The following SBF2 variants were observed in gnomAD, a reference collection of about 807,000 sequenced individuals.
The protein encoded by SBF2 is SET binding factor 2.
Under a neutral mutation model 225.2 loss-of-function variants are expected in SBF2, and 112 were observed. The ratio of observed to expected loss-of-function variants is 0.50; its 90% CI spans 0.43 to 0.58. The LOEUF is 0.58. Ranked by LOEUF, SBF2 falls within the 20% of genes least tolerant of loss-of-function variation. The pLI, the probability that SBF2 is intolerant of heterozygous loss-of-function variation, is 0.00. For missense variants in SBF2, 1,996 were observed against 2,206.2 expected, an observed-to-expected ratio of 0.90 and a Z score of 1.91; for synonymous variants, 763 against 773.3, an observed-to-expected ratio of 0.99 and a Z score of 0.22.
chr11:9,991,560 G>T (rs1383208989), intron 12 of SBF2, among the ~76,000 whole-genome samples: 1 of 151,980 alleles, frequency 6.6e-6, no homozygotes, highest in Non-Finnish European at 1.5e-5. Flanking sequence ...TTACATTTTT[G>T]GTTCTAATAT....
chr11:10,299,295 A>C (rs908377867), intron 1 of SBF2, among the ~76,000 whole-genome samples: 6 of 138,954 alleles, frequency 4.3e-5, no homozygotes, highest in Admixed American at 3.3e-4. Context: ...TCGAGATGGC[A>C]CCACTGCACT....
chr11:9,865,042 CTG>C (rs1164983283), intron 17 of SBF2, among the ~76,000 whole-genome samples: 3 of 152,118 alleles, frequency 2.0e-5, no homozygotes, highest in Non-Finnish European at 4.4e-5. Flanking sequence ...TCCTGAGTAG[CTG>C]AGACTACAGG....
chr11:10,080,551 A>C lies in SBF2; in HGVS notation c.142-37570T>G, dbSNP rs532445810. Among the ~76,000 whole-genome samples, 5 of 152,238 alleles carry C rather than the reference A, an allele frequency of 3.3e-5. No homozygotes were observed. The South Asian group carries it at 1.0e-3, about 32-fold the overall frequency. ...TACTAAACCTAAAAAGACAGAGAAAAAAAAAAGAATCCCAAAGGCAAGTAG... is the reference window on the plus strand; with the variant it reads ...TACTAAACCTAAAAAGACAGAGAAACAAAAAAGAATCCCAAAGGCAAGTAG... On this transcript the variant is annotated intron_variant, in intron 2 of 39. Coordinates refer to ENST00000256190, the MANE Select transcript of SBF2 (RefSeq NM_030962.4).
At chr11:10,184,329 A>C (rs536657552) in intron 2 of SBF2, among the ~76,000 whole-genome samples, 1 of 152,228 alleles carries the variant, frequency 6.6e-6, no homozygotes, top group African/African-American at 2.4e-5. Context: ...ACCAGGTAGT[A>C]TAAGTCTTCC....
intron 2 of SBF2, among the ~76,000 whole-genome samples, chr11:10,175,407 G>C (rs1956416757): frequency 6.7e-6 from 1 of 149,872 alleles, no homozygotes; most frequent in South Asian, 2.1e-4. Context: ...GATCAAAAGA[G>C]ACAAAGAAGG....
At position 9,961,966 on chromosome 11, in the gene SBF2, A is replaced by G. The variant is rs746158091; in HGVS notation, c.1851T>C (p.Cys617=). 18 of 1,613,524 alleles carry G rather than the reference A, an allele frequency of 1.1e-5. No individual in the cohort carries two copies. Among genetic ancestry groups the G allele is most frequent in the Admixed American group, 6.7e-5 (4 of 59,986 alleles). ...AAGAACTACAAATTACCTGTAGAGTACAATTCATCATCCTTATTATGTAGT... is the reference window on the plus strand; with the variant it reads ...AAGAACTACAAATTACCTGTAGAGTGCAATTCATCATCCTTATTATGTAGT... ...QFDYIIRMMN[C]TLQDCSSLEE... Residue 617 remains cysteine (C), a synonymous_variant, in exon 16 of 40, where the codon TGT becomes TGC. Transcript: ENST00000256190.
chr11:10,070,066 A>G (rs1449661565), intron 2 of SBF2, among the ~76,000 whole-genome samples: 2 of 152,216 alleles, frequency 1.3e-5, no homozygotes, highest in African/African-American at 4.8e-5. Flanking sequence ...GCCCTTTGTC[A>G]GATGGGTAGA....
chr11:10,197,298 T>C (rs1297735143), intron 1 of SBF2, among the ~76,000 whole-genome samples: 1 of 152,232 alleles, frequency 6.6e-6, no homozygotes, highest in Non-Finnish European at 1.5e-5. Context: ...TGGGAGATAC[T>C]GCAGGTTTGG....
chr11:10,172,269 T>C (rs958461082), intron 2 of SBF2, among the ~76,000 whole-genome samples: 2 of 152,210 alleles, frequency 1.3e-5, no homozygotes, highest in Admixed American at 6.5e-5. Flanking sequence ...TAGGCACTTA[T>C]AGCTACAAAC....
intron 1 of SBF2, among the ~76,000 whole-genome samples, chr11:10,269,140 CT>C (rs954014864): frequency 4.6e-5 from 7 of 152,168 alleles, no homozygotes; most frequent in African/African-American, 1.4e-4. Context: ...GTTCTTTTGG[CT>C]TTCAGAAACA....
rs746054770 is a variant in SBF2 at position 9,858,344 on chromosome 11, G to A, written c.1982C>T (p.Pro661Leu). ...CCAAAATTGCTGATTTGTCCAAATG[G>A]GGTGGTCTTGTACACACGTGTAAGC... ...QFAYTCVQDH[P>L]IWTNQQFWET... The change falls in exon 18 of 40, where the codon CCC becomes CTC. Residue 661 changes from proline to leucine, a missense_variant. Transcript: ENST00000256190. The A allele has an allele frequency of 6.2e-7, 1 of 1,614,136 alleles. No homozygotes were observed. Among genetic ancestry groups the A allele is most frequent in the East Asian group, 2.2e-5 (1 of 44,890 alleles).
intron 1 of SBF2, among the ~76,000 whole-genome samples, chr11:10,230,245 G>A (rs1253666020): frequency 6.6e-6 from 1 of 152,158 alleles, no homozygotes; most frequent in Non-Finnish European, 1.5e-5. Flanking sequence ...GAACACTGAT[G>A]GGTCTTGACT....
At chr11:9,828,725 T>C (rs182321172) in intron 28 of SBF2, 1 of 768,216 alleles carries the variant, frequency 1.3e-6, no homozygotes, top group Non-Finnish European at 1.6e-6. Context: ...GCAGATATTT[T>C]GGGAATTTCA....
At chr11:9,891,443 T>C (rs980630570) in intron 17 of SBF2, among the ~76,000 whole-genome samples, 1 of 152,206 alleles carries the variant, frequency 6.6e-6, no homozygotes, top group African/African-American at 2.4e-5. Context: ...ACGATTCCTC[T>C]ACTGTCAACA....
chr11:10,161,150 A>T (rs1421573451), intron 2 of SBF2, among the ~76,000 whole-genome samples: 1 of 139,290 alleles, frequency 7.2e-6, no homozygotes. Flanking sequence ...GCACCATTGC[A>T]CTCCAGCCTG....
intron 2 of SBF2, among the ~76,000 whole-genome samples, chr11:10,182,804 T>C (rs1956789536): frequency 6.6e-6 from 1 of 151,990 alleles, no homozygotes; most frequent in Non-Finnish European, 1.5e-5. Flanking sequence ...AGACGGAGTC[T>C]TGCTCTGTCG....
In SBF2 at chr11:10,002,766, G is replaced by C. The variant is rs184005515; in HGVS notation, c.620-77C>G. On this transcript the variant is annotated intron_variant, in intron 6 of 39. Coordinates refer to ENST00000256190, the MANE Select transcript of SBF2 (RefSeq NM_030962.4). ...GTCAACAATCATAGACAGTATACAC[G>C]GAAAGAAAAAGCCAGTAATTTTGGA... 39 of 1,399,688 alleles carry C rather than the reference G, an allele frequency of 2.8e-5. No individual in the cohort carries two copies. The Admixed American group carries it at 6.7e-4, about 24-fold the overall frequency. The allele number at this position is 1,399,688 out of a possible 1,614,324, so 86.7% of individuals were successfully genotyped here. A position where few individuals can be genotyped will look rare whatever the true frequency, so the allele number is the denominator to read the frequency against.
chr11:9,899,183 G>A (rs1195888706), intron 16 of SBF2, among the ~76,000 whole-genome samples: 1 of 151,932 alleles, frequency 6.6e-6, no homozygotes, highest in African/African-American at 2.4e-5. Context: ...CTTCAAGGTT[G>A]GAAAGGAGAG....
chr11:10,029,995 A>G (rs1949197473), intron 4 of SBF2, 120 bp from the exon 5 acceptor site: 2 of 748,978 alleles, frequency 2.7e-6, no homozygotes, highest in Non-Finnish European at 4.7e-6. Flanking sequence ...TACAGTGAAC[A>G]TGGAATACAT....
Sources: gnomAD v4.1 joint callset for allele counts (sites outside exome capture counted in the v4.1 genomes callset) on GRCh38, gnomAD v4.1.1 for gene constraint, MANE v1.5 for transcripts, NCBI Gene and HGNC (gene_info 2026-07-23, HGNC 2026-07-21) for gene names.